Variants in ANKFN1 observed in about 807,000 individuals in gnomAD.
ANKFN1 encodes ankyrin repeat and fibronectin type III domain containing 1.
Under a neutral mutation model 108.7 loss-of-function variants are expected in ANKFN1, and 74 were observed. That is an observed-to-expected ratio of 0.68 (90% CI 0.56 to 0.83). The LOEUF (loss-of-function observed/expected upper bound fraction) is 0.83. ANKFN1 is among the 40% of genes least tolerant of loss of function. ANKFN1 has a pLI of 0.00. For missense variants in ANKFN1, 1,505 were observed against 1,382.3 expected (o/e 1.09, Z -1.41); for synonymous variants, 547 against 516.2 (o/e 1.06, Z -0.81).
rs759248964 is a variant in ANKFN1, at chr17:56,510,917, C to T, written c.3089C>T (p.Ser1030Phe). The change falls in exon 21 of 21, where the codon TCT (serine) becomes TTT (phenylalanine). Residue 1030 changes from serine to phenylalanine, a missense_variant. Coordinates refer to ENST00000682825, the MANE Select transcript of ANKFN1 (RefSeq NM_001370326.1). ...IHSETQSLSL[S>F]EGIYTQHLSQ... is the part of the protein sequence containing the mutation. ...AGCGAGACCCAGTCGCTATCGCTCT[C>T]TGAGGGCATTTATACACAGCACCTG... The T allele has an allele frequency of 2.5e-5, 39 of 1,536,070 alleles. No homozygotes were observed. The highest frequency in any genetic ancestry group is 3.4e-5 in the Non-Finnish European group (39 of 1,146,924).
chr17:56,301,745 A>G (rs2044676666), intron 3 of ANKFN1, among the ~76,000 whole-genome samples: 1 of 152,232 alleles, frequency 6.6e-6, no homozygotes, highest in Non-Finnish European at 1.5e-5. Flanking sequence ...AATGAAGAAT[A>G]ATTGATAAGC....
intron 8 of ANKFN1, among the ~76,000 whole-genome samples, chr17:56,399,869 A>G (rs1326221222): frequency 1.6e-5 from 2 of 128,564 alleles, no homozygotes; most frequent in Non-Finnish European, 3.3e-5. Flanking sequence ...ATATATATAT[A>G]TGTATCATTC....
At chr17:56,424,174 T>C (rs2192216) in intron 8 of ANKFN1, among the ~76,000 whole-genome samples, 120,663 of 152,146 alleles carry the variant, frequency 0.79, 48,123 homozygotes, top group East Asian at 0.96. Context: ...ACATAAAGCT[T>C]TACCCTTCAT....
At chr17:56,336,372 A>G (rs1279019146) in intron 4 of ANKFN1, among the ~76,000 whole-genome samples, 1 of 152,132 alleles carries the variant, frequency 6.6e-6, no homozygotes, top group African/African-American at 2.4e-5. Context: ...TTGGTAGGCT[A>G]TTGATTATTG....
chr17:56,283,669 A>G (rs1370324266), intron 3 of ANKFN1, among the ~76,000 whole-genome samples: 2 of 151,994 alleles, frequency 1.3e-5, no homozygotes, highest in Non-Finnish European at 2.9e-5. Flanking sequence ...GTTCTCACTC[A>G]TAAGTGTGAG....
intron 8 of ANKFN1, among the ~76,000 whole-genome samples, chr17:56,401,782 G>A (rs760037272): frequency 2.6e-5 from 4 of 152,054 alleles, no homozygotes; most frequent in Non-Finnish European, 5.9e-5. Flanking sequence ...TTCTCAGAGG[G>A]AATGCTTTCA....
At chr17:56,408,817 C>T (rs2047999001) in intron 8 of ANKFN1, among the ~76,000 whole-genome samples, 1 of 152,124 alleles carries the variant, frequency 6.6e-6, no homozygotes, top group South Asian at 2.1e-4. Context: ...ACAAAAGTTT[C>T]TCCTCTCACT....
chr17:56,056,177 G>T (rs1446011264), intron 4 of ANKFN1, among the ~76,000 whole-genome samples: 10 of 151,706 alleles, frequency 6.6e-5, no homozygotes, highest in Admixed American at 6.6e-4. Context: ...CTGTTGGTTG[G>T]TTGTTTACTC....
intron 15 of ANKFN1, among the ~76,000 whole-genome samples, chr17:56,469,264 C>A (rs2050235697): frequency 6.6e-6 from 1 of 151,574 alleles, no homozygotes; most frequent in Non-Finnish European, 1.5e-5. Context: ...TTCTCTCTCC[C>A]CTCCTTCCCA....
intron 1 of ANKFN1, among the ~76,000 whole-genome samples, chr17:56,194,302 A>C (rs1913293787): frequency 6.6e-6 from 1 of 152,182 alleles, no homozygotes; most frequent in Non-Finnish European, 1.5e-5. Context: ...TCCACACAAA[A>C]ACCTGCACAT....
intron 3 of ANKFN1, among the ~76,000 whole-genome samples, chr17:56,248,513 A>G (rs1567862435): frequency 1.3e-5 from 2 of 152,242 alleles, no homozygotes; most frequent in African/African-American, 2.4e-5. Context: ...TTGAATGAAT[A>G]TAAGACTTTA....
chr17:56,234,243 A>G (rs535958338), intron 3 of ANKFN1, among the ~76,000 whole-genome samples: 7 of 152,308 alleles, frequency 4.6e-5, no homozygotes, highest in African/African-American at 1.7e-4. Context: ...TTCACACCAT[A>G]CGGATACAAA....
chr17:56,459,272 G>A (rs144290327), intron 14 of ANKFN1, among the ~76,000 whole-genome samples: 5 of 152,124 alleles, frequency 3.3e-5, no homozygotes, highest in South Asian at 2.1e-4. Flanking sequence ...TACCACACCC[G>A]GCTAATTTTT....
chr17:56,204,895 G>T (rs1184892513), intron 1 of ANKFN1, among the ~76,000 whole-genome samples: 1 of 151,912 alleles, frequency 6.6e-6, no homozygotes, highest in Non-Finnish European at 1.5e-5. Context: ...CTAACACGGT[G>T]AAACCCCGTC....
intron 1 of ANKFN1, among the ~76,000 whole-genome samples, chr17:56,158,376 A>G (rs1014738467): frequency 6.6e-6 from 1 of 152,228 alleles, no homozygotes; most frequent in African/African-American, 2.4e-5. Context: ...AGCCTCCACA[A>G]TGATTCCCTT....
At chr17:56,240,082 A>G (rs1917463992) in intron 3 of ANKFN1, among the ~76,000 whole-genome samples, 1 of 152,152 alleles carries the variant, frequency 6.6e-6, no homozygotes. Context: ...ATTTGAGTAC[A>G]TCAATTTTTG....
chr17:56,054,171 C>G (rs1037341158), intron 4 of ANKFN1, among the ~76,000 whole-genome samples: 2 of 152,158 alleles, frequency 1.3e-5, no homozygotes, highest in Admixed American at 6.5e-5. Context: ...GGAGATTCCT[C>G]AAAGAGCTGA....
intron 18 of ANKFN1, among the ~76,000 whole-genome samples, chr17:56,491,383 A>G (rs555098378): frequency 8.1e-4 from 123 of 152,262 alleles, no homozygotes; most frequent in African/African-American, 2.9e-3. Context: ...CTAGAATCCA[A>G]AGTTACGGTA....
intron 1 of ANKFN1, among the ~76,000 whole-genome samples, chr17:56,170,333 G>A (rs1456158044): frequency 6.6e-6 from 1 of 152,108 alleles, no homozygotes; most frequent in Non-Finnish European, 1.5e-5. Flanking sequence ...TGCAAATACG[G>A]GAGTACGTAT....
Sources: allele counts gnomAD v4.1 joint callset (sites outside exome capture counted in the v4.1 genomes callset), GRCh38; gene constraint gnomAD v4.1.1; transcripts MANE v1.5; gene names NCBI Gene and HGNC (gene_info 2026-07-23, HGNC 2026-07-21).